Variants in PTPRQ observed in about 807,000 individuals in gnomAD.
PTPRQ encodes protein tyrosine phosphatase receptor type Q.
In PTPRQ, 199 loss-of-function variants were observed where a neutral mutation model predicts 246.0. That is an observed-to-expected ratio of 0.81 (90% CI 0.72 to 0.91). The LOEUF is 0.91. PTPRQ is among the 40% of genes least tolerant of loss of function. PTPRQ has a pLI of 0.00. For missense variants in PTPRQ, 2,624 were observed against 2,528.4 expected, an observed-to-expected ratio of 1.04 and a Z score of -0.81; for synonymous variants, 869 against 853.2, an observed-to-expected ratio of 1.02 and a Z score of -0.32.
chr12:80,623,648 C>A (rs1378977298), intron 33 of PTPRQ, among the ~76,000 whole-genome samples: 1 of 152,072 alleles, frequency 6.6e-6, no homozygotes, highest in Non-Finnish European at 1.5e-5. Context: ...GATAGATAAC[C>A]CATGTGTCTT....
chr12:80,530,135 CA>C (rs1298125488), intron 17 of PTPRQ, among the ~76,000 whole-genome samples: 1 of 152,150 alleles, frequency 6.6e-6, no homozygotes, highest in East Asian at 1.9e-4. Context: ...TCAAACTTTA[CA>C]AACTGGCTTT....
At chr12:80,476,468 G>T (rs1893814464) in intron 8 of PTPRQ, among the ~76,000 whole-genome samples, 1 of 152,016 alleles carries the variant, frequency 6.6e-6, no homozygotes, top group East Asian at 1.9e-4. Context: ...TGAATGAATG[G>T]CCCAACGATT....
At chr12:80,529,791 A>G (rs923746247) in intron 17 of PTPRQ, among the ~76,000 whole-genome samples, 7 of 152,174 alleles carry the variant, frequency 4.6e-5, no homozygotes, top group African/African-American at 1.7e-4. Flanking sequence ...TTGTATTTTT[A>G]CAGAATAATT....
chr12:80,573,890 T>C (rs1897216436), intron 25 of PTPRQ, among the ~76,000 whole-genome samples: 1 of 152,194 alleles, frequency 6.6e-6, no homozygotes, highest in Admixed American at 6.5e-5. Context: ...TATTTTGCCA[T>C]AAGGTTCTAT....
chr12:80,619,412 C>G lies in PTPRQ; in HGVS notation c.5259C>G (p.Thr1753=). The G allele has an allele frequency of 6.5e-7, 1 of 1,547,632 alleles. No individual in the cohort carries two copies. Among genetic ancestry groups the G allele is most frequent in the African/African-American group, 1.4e-5 (1 of 72,820 alleles). Residue 1753 remains threonine (T), a synonymous_variant, in exon 31 of 45, where the codon ACC becomes ACG. Coordinates refer to ENST00000644991, the MANE Select transcript of PTPRQ (RefSeq NM_001145026.2). Reference sequence around the variant, plus strand: ...CAGCACGACCAAAAACCAAACCAACCCCTATTTATGATGCCACAGGAAAAC... The same window carrying G: ...CAGCACGACCAAAAACCAAACCAACGCCTATTTATGATGCCACAGGAAAAC... The part of the protein sequence containing the change: ...KAPARPKTKP[T]PIYDATGKLL...
chr12:80,479,248 A>G (rs1377842992), intron 8 of PTPRQ, among the ~76,000 whole-genome samples: 5 of 149,036 alleles, frequency 3.4e-5, no homozygotes, highest in Admixed American at 6.7e-5. Flanking sequence ...AAGAATTTTC[A>G]ACCCAGAATT....
chr12:80,493,289 C>G lies in PTPRQ; in HGVS notation c.1374C>G (p.Pro458=), dbSNP rs1437748538. ...LTGNNEYIND[P]MAPEIVNIVE... is the part of the protein sequence containing the mutation. ...TTTAATTACAGTATATAAATGACCC[C>G]ATGGCTCCAGAAATTGTGAACATAG... Residue 458 remains proline, a synonymous_variant, in exon 10 of 45, where the codon CCC becomes CCG. Coordinates refer to ENST00000644991, the MANE Select transcript of PTPRQ (RefSeq NM_001145026.2). The G allele has an allele frequency of 6.5e-7, 1 of 1,535,788 alleles. No individual in the cohort carries two copies. The highest frequency in any genetic ancestry group is 1.2e-5 in the South Asian group (1 of 80,964).
At chr12:80,631,059 G>T (rs1232417375) in intron 33 of PTPRQ, among the ~76,000 whole-genome samples, 1 of 152,064 alleles carries the variant, frequency 6.6e-6, no homozygotes, top group Non-Finnish European at 1.5e-5. Context: ...CATTTATGCA[G>T]CAAAATTATC....
At chr12:80,559,107 C>T (rs1190526621) in intron 25 of PTPRQ, among the ~76,000 whole-genome samples, 2 of 152,122 alleles carry the variant, frequency 1.3e-5, no homozygotes, top group Non-Finnish European at 2.9e-5. Context: ...TGCAGTGGCG[C>T]AATCTCAGCT....
chr12:80,562,712 GA>G (rs1896863042), intron 25 of PTPRQ, among the ~76,000 whole-genome samples: 1 of 151,896 alleles, frequency 6.6e-6, no homozygotes, highest in Non-Finnish European at 1.5e-5. Flanking sequence ...CTCCACAAAA[GA>G]AAGCCTAGAG....
chr12:80,565,551 T>C (rs1215817259), intron 25 of PTPRQ, among the ~76,000 whole-genome samples: 1 of 152,350 alleles, frequency 6.6e-6, no homozygotes, highest in South Asian at 2.1e-4. Flanking sequence ...TGTGTGTGCA[T>C]GCAAAAGCCC....
At chr12:80,651,922 GA>G (rs552942287) in intron 37 of PTPRQ, among the ~76,000 whole-genome samples, 8 of 148,062 alleles carry the variant, frequency 5.4e-5, no homozygotes, top group East Asian at 3.9e-4. Flanking sequence ...TTAATTTTGA[GA>G]AAAAAAAATA....
In PTPRQ at chr12:80,610,644, C is replaced by T. The variant is rs1214130396; in HGVS notation, c.4918+19C>T. On this transcript the variant is annotated intron_variant, in intron 28 of 44. Coordinates refer to ENST00000644991, the MANE Select transcript of PTPRQ (RefSeq NM_001145026.2). ...GAATCAGGTAAGGAGAATTTCTCAA[C>T]CTTGCTAAAAATTGACTGAGATTTA... 2.6e-6 allele frequency: 4 copies of T among 1,538,322 alleles called. No individual in the cohort carries two copies. Among genetic ancestry groups the T allele is most frequent in the Non-Finnish European group, 3.5e-6 (4 of 1,138,994 alleles).
chr12:80,642,737 G>A (rs1019832115), intron 35 of PTPRQ, among the ~76,000 whole-genome samples: 8 of 150,816 alleles, frequency 5.3e-5, no homozygotes, highest in African/African-American at 1.5e-4. Context: ...CGGCTAAAAC[G>A]GTGAAACCCC....
intron 17 of PTPRQ, among the ~76,000 whole-genome samples, chr12:80,524,137 T>C (rs1473813759): frequency 6.6e-6 from 1 of 152,238 alleles, no homozygotes; most frequent in African/African-American, 2.4e-5. Context: ...TTTGTCTCTT[T>C]TGATCTTTGT....
chr12:80,523,997 C>A (rs1334498058), intron 17 of PTPRQ, among the ~76,000 whole-genome samples: 4 of 152,120 alleles, frequency 2.6e-5, no homozygotes, highest in Non-Finnish European at 4.4e-5. Context: ...GTGTGGGAGT[C>A]TAAGTCTCTT....
intron 25 of PTPRQ, among the ~76,000 whole-genome samples, chr12:80,575,087 T>C (rs1897248334): frequency 6.6e-6 from 1 of 152,218 alleles, no homozygotes; most frequent in Non-Finnish European, 1.5e-5. Context: ...GAATATTTTG[T>C]TTTAAATTCT....
chr12:80,467,614 C>G (rs1435593485), intron 6 of PTPRQ, among the ~76,000 whole-genome samples: 6 of 152,064 alleles, frequency 3.9e-5, no homozygotes, highest in Non-Finnish European at 4.4e-5. Context: ...ACCCAAATGT[C>G]CAACAATGAT....
intron 29 of PTPRQ, among the ~76,000 whole-genome samples, chr12:80,615,565 A>G (rs113960654): frequency 2.0e-5 from 3 of 151,116 alleles, no homozygotes; most frequent in Non-Finnish European, 4.5e-5. Context: ...GTGTATACAA[A>G]CAGAAATGTT....
Sources: gnomAD v4.1 joint callset for allele counts (sites outside exome capture counted in the v4.1 genomes callset) on GRCh38, gnomAD v4.1.1 for gene constraint, MANE v1.5 for transcripts, NCBI Gene and HGNC (gene_info 2026-07-23, HGNC 2026-07-21) for gene names.